The following MIS18A variants were observed in gnomAD, a reference collection of about 807,000 sequenced individuals.
MIS18A encodes the protein protein Mis18-alpha.
In MIS18A, 14 loss-of-function variants were observed where a neutral mutation model predicts 25.0. The observed-to-expected ratio is 0.56, with a 90% CI of 0.37 to 0.88. The LOEUF is 0.88. Among genes scored for constraint, MIS18A ranks in the 40% least tolerant of loss-of-function variants. MIS18A has a pLI of 0.00. For missense variants in MIS18A, 292 were observed against 290.8 expected (o/e 1.00, Z -0.03); for synonymous variants, 134 against 118.6 (o/e 1.13, Z -0.84).
chr21:32,255,868 G>A, the MIS18A span, among the ~76,000 whole-genome samples: 4 of 151,260 alleles, frequency 2.6e-5, no homozygotes, highest in African/African-American at 9.7e-5. Flanking sequence ...TCCAGCCTGG[G>A]TGACAGAGCG....
chr21:32,219,547 A>G, the MIS18A span, among the ~76,000 whole-genome samples: 4 of 152,234 alleles, frequency 2.6e-5, no homozygotes, highest in Non-Finnish European at 1.5e-5. Flanking sequence ...AAAACTGGGC[A>G]GCCATTTGCG....
At chr21:32,178,793 C>T in the MIS18A span, among the ~76,000 whole-genome samples, 1 of 152,124 alleles carries the variant, frequency 6.6e-6, no homozygotes, top group Non-Finnish European at 1.5e-5. Flanking sequence ...CAAATATTGC[C>T]TCTCCGCCAT....
chr21:32,211,202 G>C, the MIS18A span, among the ~76,000 whole-genome samples: 2 of 152,196 alleles, frequency 1.3e-5, no homozygotes, highest in East Asian at 3.9e-4. Flanking sequence ...CACCATGCCT[G>C]GCTAATTTTT....
chr21:32,185,366 C>T, the MIS18A span, among the ~76,000 whole-genome samples: 5 of 152,170 alleles, frequency 3.3e-5, no homozygotes, highest in African/African-American at 1.2e-4. Context: ...AGCTGAGCAG[C>T]CCATTGGGCT....
chr21:32,261,191 C>G, the MIS18A span: 1 of 152,332 alleles, frequency 6.6e-6, no homozygotes, highest in African/African-American at 2.4e-5. Context: ...ATCATTATGC[C>G]TCGCTCAGAA....
chr21:32,221,870 C>A, the MIS18A span, among the ~76,000 whole-genome samples: 6 of 151,378 alleles, frequency 4.0e-5, no homozygotes, highest in Non-Finnish European at 5.9e-5. Context: ...CCAGCCTGGA[C>A]AACAAGCAAG....
At position 32,274,197 on chromosome 21, in the gene MIS18A, CTTTTTTTTT is replaced by C. The variant is rs1184186125; in HGVS notation, c.401+624_401+632del. Among the ~76,000 whole-genome samples, 58 of 72,780 alleles carry C rather than the reference CTTTTTTTTT, an allele frequency of 8.0e-4. No individual in the cohort carries two copies. In the Middle Eastern group the frequency reaches 0.025, roughly 31 times the overall value. The allele number at this position is 72,780 out of a possible 152,430, so 47.7% of individuals were successfully genotyped here. A position where few individuals can be genotyped will look rare whatever the true frequency, so the allele number is the denominator to read the frequency against. ...TATAATATAGGTATTTCCTTTTCTTCTTTTTTTTTTTTTTTTTTTTTTTTTTTGAGACGG... is the reference window on the plus strand; with the variant it reads ...TATAATATAGGTATTTCCTTTTCTTCTTTTTTTTTTTTTTTTTTGAGACGG... On this transcript the variant is annotated intron_variant, in intron 2 of 4. Transcript: ENST00000290130.
chr21:32,259,032 GCTAA>G, the MIS18A span, among the ~76,000 whole-genome samples: 11 of 87,896 alleles, frequency 1.3e-4, no homozygotes, highest in Non-Finnish European at 2.5e-5. Context: ...CGCTACCACT[GCTAA>G]CTTTTTAATT....
the MIS18A span, among the ~76,000 whole-genome samples, chr21:32,207,197 T>C: frequency 2.0e-5 from 3 of 152,138 alleles, no homozygotes; most frequent in African/African-American, 4.8e-5. Flanking sequence ...GTAACAAATA[T>C]CTGCTTCAGG....
the MIS18A span, among the ~76,000 whole-genome samples, chr21:32,174,057 C>T: frequency 2.1e-5 from 3 of 144,288 alleles, no homozygotes; most frequent in Non-Finnish European, 4.5e-5. Context: ...TTCCACCTCC[C>T]GGGTTCAAGC....
the MIS18A span, among the ~76,000 whole-genome samples, chr21:32,184,823 ACT>A: frequency 6.6e-6 from 1 of 151,468 alleles, no homozygotes; most frequent in South Asian, 2.1e-4. Context: ...ACTCATTGCC[ACT>A]CTCTCCTTGT....
At position 32,270,492 on chromosome 21, in the gene MIS18A, T is replaced by C. The variant is rs747846567; in HGVS notation, c.439A>G (p.Asn147Asp). 3 of 1,607,898 alleles carry C rather than the reference T, an allele frequency of 1.9e-6. No homozygotes were observed. In the Admixed American group the frequency reaches 5.1e-5, roughly 27 times the overall value. Residue 147 changes from asparagine (N) to aspartate (D), a missense_variant, in exon 3 of 5, where the codon AAT becomes GAT. Asn to Asp is a conservative substitution (Grantham distance 23, BLOSUM62 1). Coordinates refer to ENST00000290130, the MANE Select transcript of MIS18A (RefSeq NM_018944.3). ...GTGCATCTGTACACGTAGCCAAGAT[T>C]GAGTGAGCACCCCGCGCAGCACAAA... ...ETLCCAGCSL[N>D]LGYVYRCTPK...
At chr21:32,182,239 G>A in the MIS18A span, among the ~76,000 whole-genome samples, 4 of 152,198 alleles carry the variant, frequency 2.6e-5, no homozygotes, top group Admixed American at 2.0e-4. Context: ...AGTGAACTGT[G>A]ATCCATTGGC....
chr21:32,169,614 C>G, the MIS18A span, among the ~76,000 whole-genome samples: 1 of 152,078 alleles, frequency 6.6e-6, no homozygotes, highest in East Asian at 1.9e-4. Flanking sequence ...AGGCTTTGTA[C>G]AAGCAGGAAA....
chr21:32,212,090 C>A, the MIS18A span, among the ~76,000 whole-genome samples: 1 of 152,116 alleles, frequency 6.6e-6, no homozygotes, highest in Non-Finnish European at 1.5e-5. Context: ...TGATGCTACT[C>A]GTGAAATAAA....
chr21:32,232,295 T>C, the MIS18A span, among the ~76,000 whole-genome samples: 3 of 151,916 alleles, frequency 2.0e-5, no homozygotes, highest in Non-Finnish European at 4.4e-5. Flanking sequence ...TTATCATTCA[T>C]AGATATAAAG....
chr21:32,221,723 C>CAAA, the MIS18A span, among the ~76,000 whole-genome samples: 1,117 of 108,634 alleles, frequency 0.01, 22 homozygotes, highest in African/African-American at 0.018. Context: ...ACGAATAATA[C>CAAA]AAAAAAAAAA....
the MIS18A span, among the ~76,000 whole-genome samples, chr21:32,166,042 C>T: frequency 2.0e-5 from 3 of 152,084 alleles, no homozygotes; most frequent in Non-Finnish European, 2.9e-5. Flanking sequence ...GGTAGAGATG[C>T]TAGGACGGGA....
At chr21:32,212,798 T>A in the MIS18A span, among the ~76,000 whole-genome samples, 1 of 152,226 alleles carries the variant, frequency 6.6e-6, no homozygotes, top group African/African-American at 2.4e-5. Context: ...GACGGTTTTA[T>A]AAGTGGGAGT....
Sources: allele counts gnomAD v4.1 joint callset (sites outside exome capture counted in the v4.1 genomes callset), GRCh38; gene constraint gnomAD v4.1.1; transcripts MANE v1.5; gene names NCBI Gene and HGNC (gene_info 2026-07-23, HGNC 2026-07-21).